Variants in HS6ST3 observed in about 807,000 individuals in gnomAD.
The protein encoded by HS6ST3 is heparan sulfate 6-O-sulfotransferase 3, also known as heparan-sulfate 6-O-sulfotransferase 3.
HS6ST3 carries 12 observed loss-of-function variants against 36.7 expected under a neutral mutation model. The ratio of observed to expected loss-of-function variants is 0.33; its 90% confidence interval spans 0.21 to 0.53. HS6ST3 has a LOEUF of 0.53. HS6ST3 is among the 20% of genes least tolerant of loss of function. HS6ST3 has a pLI of 0.95. For missense variants in HS6ST3, 584 were observed against 640.9 expected (o/e 0.91, Z 0.96); for synonymous variants, 240 against 257.5 (o/e 0.93, Z 0.65).
At chr13:96,620,923 G>T (rs1044574062) in intron 1 of HS6ST3, among the ~76,000 whole-genome samples, 1 of 152,076 alleles carries the variant, frequency 6.6e-6, no homozygotes, top group South Asian at 2.1e-4. Flanking sequence ...ATGCTGATTG[G>T]GGCTTGACAT....
At chr13:96,228,649 A>G (rs1318833845) in intron 1 of HS6ST3, among the ~76,000 whole-genome samples, 1 of 152,212 alleles carries the variant, frequency 6.6e-6, no homozygotes, top group East Asian at 1.9e-4. Flanking sequence ...AATACAGGCA[A>G]TGGGCCAGTG....
intron 1 of HS6ST3, chr13:96,169,497 C>T (rs1330252144): frequency 1.3e-5 from 2 of 152,372 alleles, no homozygotes; most frequent in Admixed American, 1.3e-4. Context: ...CCAGCAGGAG[C>T]GTTTTTAATA....
chr13:96,686,698 T>C (rs1032748354), intron 1 of HS6ST3, among the ~76,000 whole-genome samples: 1 of 152,050 alleles, frequency 6.6e-6, no homozygotes, highest in African/African-American at 2.4e-5. Context: ...TCAATAAAAG[T>C]TACAATGTCA....
chr13:96,787,688 A>G (rs1299807361), intron 1 of HS6ST3, among the ~76,000 whole-genome samples: 2 of 151,962 alleles, frequency 1.3e-5, no homozygotes, highest in Non-Finnish European at 2.9e-5. Flanking sequence ...GTGATTTGCA[A>G]ATATTTTCTC....
At chr13:96,461,093 G>A (rs1194612166) in intron 1 of HS6ST3, among the ~76,000 whole-genome samples, 2 of 152,178 alleles carry the variant, frequency 1.3e-5, no homozygotes, top group Non-Finnish European at 2.9e-5. Flanking sequence ...TGGTTTCCCC[G>A]CATTGCATTA....
rs564174901 is a variant in HS6ST3, at chr13:96,838,550, T to G, written c.*5352T>G. On this transcript the variant is annotated 3_prime_UTR_variant, in exon 2 of 2. Coordinates refer to ENST00000376705, the MANE Select transcript of HS6ST3 (RefSeq NM_153456.4). ...GGCTGGGTCTGATGATTCTACCCAT[T>G]TTGTGCCATCTGAGGAGCATGCGAG... is the stretch of plus-strand genomic sequence containing the variant. The G allele has an allele frequency of 2.0e-5, 3 of 152,436 alleles. No homozygotes were observed. In the South Asian group the frequency reaches 6.2e-4, roughly 32 times the overall value. 9.4% of individuals were successfully genotyped at this position (152,436 alleles called of 1,614,324 possible).
At chr13:96,600,832 T>C (rs1321885240) in intron 1 of HS6ST3, among the ~76,000 whole-genome samples, 1 of 149,364 alleles carries the variant, frequency 6.7e-6, no homozygotes, top group Non-Finnish European at 1.5e-5. Flanking sequence ...TTAGAACTCC[T>C]TTTAGCATTT....
chr13:96,416,870 A>G lies in HS6ST3; in HGVS notation c.707+325301A>G, dbSNP rs1296219616. On this transcript the variant is annotated intron_variant, in intron 1 of 1. Coordinates refer to ENST00000376705, the MANE Select transcript of HS6ST3 (RefSeq NM_153456.4). ...CGGGTTCACGCCATTCTCTTGCCTC[A>G]GGCTCCCAAGTAGCTGGGACTACAG... Among the ~76,000 whole-genome samples the G allele has an allele frequency of 6.6e-5, 10 of 150,784 alleles. No individual in the cohort carries two copies. The East Asian group carries it at 2.0e-3, about 30-fold the overall frequency.
chr13:96,444,493 A>G lies in HS6ST3; in HGVS notation c.707+352924A>G, dbSNP rs1854260. On this transcript the variant is annotated intron_variant, in intron 1 of 1. Transcript: ENST00000376705. ...GTCTTAGTCTTGTTTCTATAAGTTGAATAAAATTTGAGTATAGCAAACAGC... is the reference window on the plus strand; with the variant it reads ...GTCTTAGTCTTGTTTCTATAAGTTGGATAAAATTTGAGTATAGCAAACAGC... Among the ~76,000 whole-genome samples, 846 of 152,328 alleles carry G rather than the reference A, an allele frequency of 5.6e-3. 8 individuals carry two copies. Among genetic ancestry groups the G allele is most frequent in the African/African-American group, 0.019 (801 of 41,582 alleles).
At chr13:96,490,850 A>T (rs1258406062) in intron 1 of HS6ST3, among the ~76,000 whole-genome samples, 1 of 152,224 alleles carries the variant, frequency 6.6e-6, no homozygotes, top group Non-Finnish European at 1.5e-5. Context: ...ATGCTGCTTC[A>T]CATCTTAGAG....
intron 1 of HS6ST3, among the ~76,000 whole-genome samples, chr13:96,715,589 A>G (rs976442515): frequency 6.6e-6 from 1 of 152,102 alleles, no homozygotes; most frequent in African/African-American, 2.4e-5. Context: ...CATTTTTTGT[A>G]CCACTTCCCA....
intron 1 of HS6ST3, among the ~76,000 whole-genome samples, chr13:96,810,833 A>T (rs1328147218): frequency 2.6e-5 from 4 of 152,230 alleles, no homozygotes; most frequent in African/African-American, 9.6e-5. Context: ...CACAAGATGA[A>T]CAAAACAAAT....
At chr13:96,228,917 A>G (rs2054494005) in intron 1 of HS6ST3, among the ~76,000 whole-genome samples, 1 of 152,180 alleles carries the variant, frequency 6.6e-6, no homozygotes, top group African/African-American at 2.4e-5. Context: ...AGCATTGCAC[A>G]GAGGAATGTG....
intron 1 of HS6ST3, among the ~76,000 whole-genome samples, chr13:96,373,737 T>C (rs1442943501): frequency 6.6e-6 from 1 of 152,192 alleles, no homozygotes; most frequent in African/African-American, 2.4e-5. Context: ...CTTATTTCAA[T>C]CATGGCTGCT....
At position 96,442,524 on chromosome 13, in the gene HS6ST3, A is replaced by G. The variant is rs150676308; in HGVS notation, c.707+350955A>G. 5.6e-4 allele frequency among the ~76,000 whole-genome samples: 86 copies of G among 152,326 alleles called. 1 individual carries two copies. In the East Asian group the frequency reaches 0.015, roughly 26 times the overall value. ...AAATTATCAATCAGGAAACCAGAATAAAGTCATTTTCAGTTATGCACTCTT... is the reference window on the plus strand; with the variant it reads ...AAATTATCAATCAGGAAACCAGAATGAAGTCATTTTCAGTTATGCACTCTT... On this transcript the variant is annotated intron_variant, in intron 1 of 1. Transcript: ENST00000376705.
intron 1 of HS6ST3, among the ~76,000 whole-genome samples, chr13:96,114,948 G>T (rs1220035066): frequency 6.6e-6 from 1 of 152,160 alleles, no homozygotes; most frequent in Non-Finnish European, 1.5e-5. Context: ...GTTTTTGACT[G>T]AATTTCTAGA....
At chr13:96,508,070 AGAG>A (rs1393064111) in intron 1 of HS6ST3, among the ~76,000 whole-genome samples, 1 of 152,130 alleles carries the variant, frequency 6.6e-6, no homozygotes, top group Non-Finnish European at 1.5e-5. Flanking sequence ...CTGCTGTGAA[AGAG>A]GAGGAAATTA....
At chr13:96,748,707 C>A (rs954676206) in intron 1 of HS6ST3, among the ~76,000 whole-genome samples, 1 of 152,044 alleles carries the variant, frequency 6.6e-6, no homozygotes, top group Non-Finnish European at 1.5e-5. Flanking sequence ...CTTGAAGTCA[C>A]TTGAGTCCCT....
intron 1 of HS6ST3, among the ~76,000 whole-genome samples, chr13:96,318,269 T>A (rs909868525): frequency 6.6e-6 from 1 of 152,160 alleles, no homozygotes; most frequent in Non-Finnish European, 1.5e-5. Flanking sequence ...TGGTGGCTCA[T>A]GCCTGTAATC....
Sources: gnomAD v4.1 joint callset for allele counts (sites outside exome capture counted in the v4.1 genomes callset) on GRCh38, gnomAD v4.1.1 for gene constraint, MANE v1.5 for transcripts, NCBI Gene and HGNC (gene_info 2026-07-23, HGNC 2026-07-21) for gene names.